The following CACNA1C variants were observed in gnomAD, a reference collection of about 807,000 sequenced individuals.
The protein encoded by CACNA1C is calcium voltage-gated channel subunit alpha1 C.
A neutral mutation model predicts 229.0 loss-of-function variants in CACNA1C; 30 were observed. That is an observed-to-expected ratio of 0.13 (90% CI 0.10 to 0.18). The LOEUF is 0.18. Among genes scored for constraint, CACNA1C ranks in the 10% least tolerant of loss-of-function variants. The probability of loss-of-function intolerance (pLI) is 1.00; values close to 1 mark genes in which losing one functional copy is unlikely to be tolerated. For missense variants in CACNA1C, 1,658 were observed against 2,845.0 expected, an observed-to-expected ratio of 0.58 and a Z score of 9.49; for synonymous variants, 1,114 against 1,132.5, an observed-to-expected ratio of 0.98 and a Z score of 0.33.
intron 1 of CACNA1C, among the ~76,000 whole-genome samples, chr12:2,016,850 T>G (rs2045471849): frequency 6.6e-6 from 1 of 152,236 alleles, no homozygotes; most frequent in Non-Finnish European, 1.5e-5. Flanking sequence ...GACATTCTGA[T>G]TTAATTGATG....
intron 4 of CACNA1C, among the ~76,000 whole-genome samples, chr12:2,455,215 G>T (rs544528827): frequency 6.6e-6 from 1 of 152,076 alleles, no homozygotes; most frequent in African/African-American, 2.4e-5. Context: ...TTGACTCCAC[G>T]CCCACTTCTA....
chr12:2,440,085 A>G (rs2099205311), intron 3 of CACNA1C, among the ~76,000 whole-genome samples: 2 of 152,212 alleles, frequency 1.3e-5, no homozygotes, highest in South Asian at 4.1e-4. Context: ...GCTGTCAAAC[A>G]TTTAAGATCC....
chr12:2,018,550 A>G (rs1458093165), intron 1 of CACNA1C, among the ~76,000 whole-genome samples: 1 of 152,224 alleles, frequency 6.6e-6, no homozygotes, highest in Non-Finnish European at 1.5e-5. Flanking sequence ...CAGAGCAAGG[A>G]AAGCTGAAGT....
intron 1 of CACNA1C, among the ~76,000 whole-genome samples, chr12:2,084,912 T>C (rs933470150): frequency 2.0e-5 from 3 of 152,224 alleles, no homozygotes; most frequent in African/African-American, 7.2e-5. Context: ...ATCTCGTTAG[T>C]GTGGACCATA....
At chr12:2,161,846 C>G (rs1157163111) in intron 3 of CACNA1C, among the ~76,000 whole-genome samples, 2 of 152,136 alleles carry the variant, frequency 1.3e-5, no homozygotes, top group Non-Finnish European at 2.9e-5. Flanking sequence ...GGCAGAAATG[C>G]TGGTTGGGGA....
rs530416975 is a variant in CACNA1C, at chr12:2,346,613, C to T, written c.478-102363C>T. Among the ~76,000 whole-genome samples the T allele has an allele frequency of 1.5e-4, 23 of 152,206 alleles. No homozygotes were observed. The highest frequency in any genetic ancestry group is 1.0e-3 in the Admixed American group (16 of 15,296). On this transcript the variant is annotated intron_variant, in intron 3 of 46. Transcript: ENST00000399655. The surrounding 1 kb of genome is among the most constrained non-coding windows in gnomAD (Gnocchi z 4.4). ...CCGGCCCCAGTGTGTGTCCTGGGGGCGTAGTCACTGCCCTTCCAAGCCTGG... is the reference window on the plus strand; with the variant it reads ...CCGGCCCCAGTGTGTGTCCTGGGGGTGTAGTCACTGCCCTTCCAAGCCTGG...
At chr12:2,498,913 A>G (rs2099752766) in intron 7 of CACNA1C, among the ~76,000 whole-genome samples, 2 of 152,352 alleles carry the variant, frequency 1.3e-5, no homozygotes, top group African/African-American at 2.4e-5. Flanking sequence ...AACCTCCCAC[A>G]TGATGTCAGC....
In CACNA1C at chr12:2,658,994, A is replaced by G. The variant is rs773077399; in HGVS notation, c.4232+3756A>G. ...AAAGTTAAAAAAAATTTAAAAGTTT[A>G]TAAAGTAAAAATGTTACATTAAGCT... On this transcript the variant is annotated intron_variant, in intron 34 of 46. Transcript: ENST00000399655. Among the ~76,000 whole-genome samples the G allele has an allele frequency of 5.2e-5, 8 of 152,382 alleles. No individual in the cohort carries two copies. In the East Asian group the frequency reaches 7.7e-4, roughly 15 times the overall value.
rs2059702934 is a variant in CACNA1C at position 2,067,453 on chromosome 12, T to A, written c.49+13842T>A. The stretch of plus-strand genomic sequence containing the variant: ...AGGACTGTGGACTAGGATGCACGTG[T>A]GTGTGTGTGTGTGTGTGTGTGTGTG... On this transcript the variant is annotated intron_variant, in intron 1 of 46. Coordinates refer to ENST00000399655, the MANE Select transcript of CACNA1C (RefSeq NM_000719.7). The surrounding 1 kb of genome is among the most constrained non-coding windows in gnomAD (Gnocchi z 5.3). Among the ~76,000 whole-genome samples, 1 of 64,148 alleles carries A rather than the reference T, an allele frequency of 1.6e-5. No individual in the cohort carries two copies. The highest frequency in any genetic ancestry group is 4.3e-5 in the Non-Finnish European group (1 of 23,118). 42.1% of individuals were successfully genotyped at this position (64,148 alleles called of 152,430 possible). A position where few individuals can be genotyped will look rare whatever the true frequency, so the allele number is the denominator to read the frequency against.
At chr12:2,195,077 A>T (rs1295112436) in intron 3 of CACNA1C, among the ~76,000 whole-genome samples, 1 of 151,908 alleles carries the variant, frequency 6.6e-6, no homozygotes, top group Non-Finnish European at 1.5e-5. Flanking sequence ...GAAAGAAGAG[A>T]TGTGTGTGTG....
chr12:2,551,238 A>T (rs992755693), intron 10 of CACNA1C, among the ~76,000 whole-genome samples: 5 of 152,096 alleles, frequency 3.3e-5, no homozygotes, highest in African/African-American at 1.2e-4. Context: ...CCCAAGTCGC[A>T]TACCAGGAGG....
At chr12:2,033,270 T>C (rs2048528300) in intron 1 of CACNA1C, among the ~76,000 whole-genome samples, 1 of 152,136 alleles carries the variant, frequency 6.6e-6, no homozygotes, top group African/African-American at 2.4e-5. Context: ...CTGACACAGA[T>C]GCCCCCATGA....
intron 3 of CACNA1C, among the ~76,000 whole-genome samples, chr12:2,414,270 A>G (rs2098840969): frequency 6.6e-6 from 1 of 152,200 alleles, no homozygotes; most frequent in African/African-American, 2.4e-5. Flanking sequence ...ACTCCACTAG[A>G]GCCCATCATT....
At chr12:2,209,581 A>G (rs1001405149) in intron 3 of CACNA1C, among the ~76,000 whole-genome samples, 8 of 152,192 alleles carry the variant, frequency 5.3e-5, no homozygotes, top group African/African-American at 1.9e-4. Context: ...AAGAATAAAG[A>G]ATCCGAATTA....
At chr12:2,414,951 G>C (rs746466353) in intron 3 of CACNA1C, among the ~76,000 whole-genome samples, 5 of 152,078 alleles carry the variant, frequency 3.3e-5, no homozygotes, top group Non-Finnish European at 7.4e-5. Flanking sequence ...AGGGCTTACC[G>C]CCTCCTGGAG....
Position 2,467,481 on chromosome 12 carries a change from C to T in CACNA1C, c.757+9775C>T, listed in dbSNP as rs1320637043. ...GCTGCCCCCAGGTCTCCCAGCCTCC[C>T]CAGAAGGGAGGAAGCCCCAGGACCC... On this transcript the variant is annotated intron_variant, in intron 5 of 46. Transcript: ENST00000399655. The surrounding 1 kb of genome is among the most constrained non-coding windows in gnomAD (Gnocchi z 4.6). Among the ~76,000 whole-genome samples the T allele has an allele frequency of 6.6e-6, 1 of 152,106 alleles. No individual in the cohort carries two copies.
chr12:2,321,579 T>C (rs1314310957), intron 3 of CACNA1C, among the ~76,000 whole-genome samples: 3 of 152,262 alleles, frequency 2.0e-5, no homozygotes, highest in African/African-American at 7.2e-5. Context: ...TTTAGTGGCA[T>C]GTGTGAGCAT....
In CACNA1C at chr12:2,275,728, G is replaced by A. The variant is rs77759718; in HGVS notation, c.477+155298G>A. ...GGGCCAGGTTGAGCAGGAAACCATC[G>A]TTAGGGCACGGAAGCATAGGTGGGA... On this transcript the variant is annotated intron_variant, in intron 3 of 46. Coordinates refer to ENST00000399655, the MANE Select transcript of CACNA1C (RefSeq NM_000719.7). This position sits in a 1 kb window ranked among gnomAD's most constrained non-coding sequence, Gnocchi z 4.1. 7.9e-5 allele frequency among the ~76,000 whole-genome samples: 12 copies of A among 152,172 alleles called. No individual in the cohort carries two copies. The highest frequency in any genetic ancestry group is 2.4e-4 in the African/African-American group (10 of 41,448).
chr12:2,517,666 A>T lies in CACNA1C; in HGVS notation c.1390+4682A>T, dbSNP rs184069806. ...AGTGACTGCTTCTCCCCTCCCTCTG[A>T]GCAGCAGTGAGAAGCCCCTGTGAAG... is the stretch of plus-strand genomic sequence containing the variant. On this transcript the variant is annotated intron_variant, in intron 9 of 46. Coordinates refer to ENST00000399655, the MANE Select transcript of CACNA1C (RefSeq NM_000719.7). Among the ~76,000 whole-genome samples, 55 of 152,258 alleles carry T rather than the reference A, an allele frequency of 3.6e-4. 1 individual carries two copies. Among genetic ancestry groups the T allele is most frequent in the Admixed American group, 3.1e-3 (48 of 15,296 alleles).
Sources: gnomAD v4.1 joint callset for allele counts (sites outside exome capture counted in the v4.1 genomes callset) on GRCh38, gnomAD v4.1.1 for gene constraint, Gnocchi (gnomAD v3.1) non-coding constraint, MANE v1.5 for transcripts, NCBI Gene and HGNC (gene_info 2026-07-23, HGNC 2026-07-21) for gene names.